The following SORCS2 variants were observed in gnomAD, a reference collection of about 807,000 sequenced individuals.
The protein encoded by SORCS2 is sortilin related VPS10 domain containing receptor 2.
In SORCS2, 100 loss-of-function variants were observed where a neutral mutation model predicts 141.6. That is an observed-to-expected ratio of 0.71 (90% CI 0.60 to 0.83). The LOEUF is 0.83. Among genes scored for constraint, SORCS2 ranks in the 40% least tolerant of loss-of-function variants. The probability of loss-of-function intolerance (pLI) is 0.00; values close to 1 mark genes in which losing one functional copy is unlikely to be tolerated. For synonymous variants in SORCS2, 789 were observed against 676.9 expected, an observed-to-expected ratio of 1.17 and a Z score of -2.57; for missense variants, 1,646 against 1,560.2, an observed-to-expected ratio of 1.05 and a Z score of -0.93.
chr4:7,350,331 G>C (rs765657858), intron 1 of SORCS2, among the ~76,000 whole-genome samples: 1 of 152,212 alleles, frequency 6.6e-6, no homozygotes. Context: ...AGTTCAGTCA[G>C]GCCACCTCCC....
At chr4:7,328,116 C>T (rs1577404297) in intron 1 of SORCS2, among the ~76,000 whole-genome samples, 1 of 148,316 alleles carries the variant, frequency 6.7e-6, no homozygotes, top group Non-Finnish European at 1.5e-5. Flanking sequence ...ACCTCTGCCT[C>T]ACAGGTTCAA....
At chr4:7,546,217 C>T (rs145532784) in intron 3 of SORCS2, among the ~76,000 whole-genome samples, 87 of 152,258 alleles carry the variant, frequency 5.7e-4, no homozygotes, top group African/African-American at 2.0e-3. Flanking sequence ...TGGGAGGTCA[C>T]GTTCCAGCAA....
intron 1 of SORCS2, among the ~76,000 whole-genome samples, chr4:7,213,624 G>A (rs564768709): frequency 6.6e-6 from 1 of 152,216 alleles, no homozygotes; most frequent in South Asian, 2.1e-4. Context: ...TGCTGGCATT[G>A]CAAGGACCTC....
chr4:7,617,543 T>C (rs1718848083), intron 3 of SORCS2, among the ~76,000 whole-genome samples: 1 of 152,076 alleles, frequency 6.6e-6, no homozygotes, highest in Non-Finnish European at 1.5e-5. Flanking sequence ...TATCCTGACG[T>C]AGAGTAAGTT....
chr4:7,640,244 CTATG>C (rs1456015652), intron 4 of SORCS2, among the ~76,000 whole-genome samples: 2 of 122,086 alleles, frequency 1.6e-5, no homozygotes, highest in Non-Finnish European at 1.7e-5. Flanking sequence ...GTGTGAGAAC[CTATG>C]TGAGTGTGTA....
At chr4:7,509,201 GC>G (rs987796046) in intron 2 of SORCS2, among the ~76,000 whole-genome samples, 5 of 152,070 alleles carry the variant, frequency 3.3e-5, no homozygotes, top group Non-Finnish European at 7.4e-5. Flanking sequence ...AGCATTCGCT[GC>G]CCCCCCAGAG....
At chr4:7,204,037 C>T (rs941274704) in intron 1 of SORCS2, among the ~76,000 whole-genome samples, 2 of 152,092 alleles carry the variant, frequency 1.3e-5, no homozygotes, top group Non-Finnish European at 2.9e-5. Flanking sequence ...GTATGGACAC[C>T]ACACATTTCC....
intron 1 of SORCS2, among the ~76,000 whole-genome samples, chr4:7,275,989 G>C (rs115553947): frequency 3.0e-4 from 46 of 152,282 alleles, no homozygotes; most frequent in Non-Finnish European, 5.0e-4. Context: ...AGTGTGAGAC[G>C]GTAGAGTGAA....
At chr4:7,331,849 C>T (rs1719674288) in intron 1 of SORCS2, among the ~76,000 whole-genome samples, 1 of 152,130 alleles carries the variant, frequency 6.6e-6, no homozygotes, top group African/African-American at 2.4e-5. Context: ...CCCCAAGTGA[C>T]AGGTGGGGAC....
chr4:7,343,864 G>T (rs1171029461), intron 1 of SORCS2, among the ~76,000 whole-genome samples: 1 of 152,196 alleles, frequency 6.6e-6, no homozygotes, highest in Non-Finnish European at 1.5e-5. Context: ...AGGCCCTGTT[G>T]GAGGGGAGCC....
At chr4:7,262,243 CATCCATCCACCCACCT>C (rs1384398463) in intron 1 of SORCS2, among the ~76,000 whole-genome samples, 16 of 141,126 alleles carry the variant, frequency 1.1e-4, no homozygotes, top group Non-Finnish European at 1.7e-4. Context: ...TCCATCGATT[CATCCATCCACCCACCT>C]ATCCATCCAC....
intron 23 of SORCS2, among the ~76,000 whole-genome samples, chr4:7,732,126 G>A (rs1042595511): frequency 3.9e-5 from 6 of 152,158 alleles, no homozygotes; most frequent in South Asian, 4.1e-4. Flanking sequence ...ATTAAAAAAC[G>A]GGCAAAGGAG....
At chr4:7,381,767 GC>G in intron 1 of SORCS2, 1 of 215,536 alleles carries the variant, frequency 4.6e-6, no homozygotes, top group Non-Finnish European at 7.9e-6. Flanking sequence ...TGACATTCCA[GC>G]CCCAGTGCAC....
At chr4:7,366,167 G>A (rs529625278) in intron 1 of SORCS2, among the ~76,000 whole-genome samples, 3 of 152,076 alleles carry the variant, frequency 2.0e-5, no homozygotes, top group Non-Finnish European at 2.9e-5. Context: ...GGCAGGCCCC[G>A]TCATCTCGAA....
intron 14 of SORCS2, among the ~76,000 whole-genome samples, chr4:7,706,675 G>T (rs1354065839): frequency 6.7e-6 from 1 of 148,250 alleles, no homozygotes; most frequent in Non-Finnish European, 1.5e-5. Flanking sequence ...ATGAGGCTGG[G>T]CTCCTCCTGG....
Position 7,740,260 on chromosome 4 carries a change from G to T in SORCS2, c.3476G>T (p.Ser1159Ile). 1 of 1,609,304 alleles carries T rather than the reference G, an allele frequency of 6.2e-7. No individual in the cohort carries two copies. Among genetic ancestry groups the T allele is most frequent in the Non-Finnish European group, 8.5e-7 (1 of 1,179,278 alleles). The stretch of plus-strand genomic sequence containing the variant: ...CGAGAGATGCACAGCTACCTGGTGA[G>T]CTGATGCCACCCCAGCATCTGTCTT... The part of the protein sequence containing the change: ...NSREMHSYLV[S>I] Residue 1159 changes from serine (S) to isoleucine (I), a missense_variant, in exon 27 of 27, where the codon AGC (serine) becomes ATC (isoleucine). Coordinates refer to ENST00000507866, the MANE Select transcript of SORCS2 (RefSeq NM_020777.3).
At position 7,286,003 on chromosome 4, in the gene SORCS2, C is replaced by T. The variant is rs1213196203; in HGVS notation, c.480+92877C>T. Among the ~76,000 whole-genome samples, 1 of 152,184 alleles carries T rather than the reference C, an allele frequency of 6.6e-6. No homozygotes were observed. Among genetic ancestry groups the T allele is most frequent in the Non-Finnish European group, 1.5e-5 (1 of 68,030 alleles). On this transcript the variant is annotated intron_variant, in intron 1 of 26. Transcript: ENST00000507866. The surrounding 1 kb of genome is among the most constrained non-coding windows in gnomAD (Gnocchi z 4.1). ...CATTAATCAGCACGGCGGCCGGCAC[C>T]GTGCTCCGTGCCCTGCCGAGAGCCA...
At chr4:7,617,297 C>G (rs1718826472) in intron 3 of SORCS2, among the ~76,000 whole-genome samples, 1 of 152,280 alleles carries the variant, frequency 6.6e-6, no homozygotes, top group Admixed American at 6.5e-5. Flanking sequence ...ACCCACCTAT[C>G]CATGTGCCAT....
rs181601331 is a variant in SORCS2 at position 7,629,927 on chromosome 4, G to A, written c.649-8401G>A. On this transcript the variant is annotated intron_variant, in intron 3 of 26. Coordinates refer to ENST00000507866, the MANE Select transcript of SORCS2 (RefSeq NM_020777.3). ...ACTTAGTGTGCTCTTGTATTTCCCC[G>A]TTTTATTTATTCCCCAGCAAAGCCT... is the stretch of plus-strand genomic sequence containing the variant. 4.3e-4 allele frequency among the ~76,000 whole-genome samples: 66 copies of A among 152,170 alleles called. No homozygotes were observed. In the Middle Eastern group the frequency reaches 0.01, roughly 24 times the overall value.
Sources: gnomAD v4.1 joint callset for allele counts (sites outside exome capture counted in the v4.1 genomes callset) on GRCh38, gnomAD v4.1.1 for gene constraint, Gnocchi (gnomAD v3.1) non-coding constraint, MANE v1.5 for transcripts, NCBI Gene and HGNC (gene_info 2026-07-23, HGNC 2026-07-21) for gene names.